The following GRB14 variants were observed in gnomAD, a reference collection of about 807,000 sequenced individuals.
GRB14 encodes growth factor receptor-bound protein 14.
In GRB14, 38 loss-of-function variants were observed where a neutral mutation model predicts 69.1. The observed-to-expected ratio is 0.55, with a 90% CI of 0.42 to 0.72. The LOEUF is 0.72. Among genes scored for constraint, GRB14 ranks in the 30% least tolerant of loss-of-function variants. The pLI, the probability that GRB14 is intolerant of heterozygous loss-of-function variation, is 0.00. For missense variants in GRB14, 666 were observed against 666.1 expected (o/e 1.00, Z 0.00); for synonymous variants, 247 against 241.3 (o/e 1.02, Z -0.22).
At chr2:164,537,860 C>CT (rs1688118822) in intron 3 of GRB14, among the ~76,000 whole-genome samples, 1 of 152,120 alleles carries the variant, frequency 6.6e-6, no homozygotes, top group Non-Finnish European at 1.5e-5. Flanking sequence ...AAGCACAGTG[C>CT]CACATGTCCC....
intron 2 of GRB14, among the ~76,000 whole-genome samples, chr2:164,549,077 C>T (rs758392063): frequency 5.3e-5 from 8 of 151,886 alleles, no homozygotes; most frequent in East Asian, 1.9e-4. Context: ...GACGGGCTTT[C>T]GCCACGTTAG....
intron 3 of GRB14, among the ~76,000 whole-genome samples, chr2:164,539,467 C>T (rs941955390): frequency 2.5e-5 from 2 of 79,670 alleles, no homozygotes; most frequent in Non-Finnish European, 5.3e-5. Flanking sequence ...GACGGCGACT[C>T]CATCTCGGAA....
At chr2:164,606,117 T>A (rs999446385) in intron 2 of GRB14, among the ~76,000 whole-genome samples, 1 of 152,208 alleles carries the variant, frequency 6.6e-6, no homozygotes, top group Non-Finnish European at 1.5e-5. Flanking sequence ...TCAATTAAAG[T>A]TAACGTTCCA....
chr2:164,608,384 C>T (rs1287505261), intron 2 of GRB14, among the ~76,000 whole-genome samples: 3 of 151,088 alleles, frequency 2.0e-5, no homozygotes, highest in Non-Finnish European at 2.9e-5. Context: ...AAAAAGCAAA[C>T]AAAGTTAAAT....
chr2:164,602,793 T>C (rs1689950457), intron 2 of GRB14, among the ~76,000 whole-genome samples: 1 of 152,178 alleles, frequency 6.6e-6, no homozygotes, highest in Non-Finnish European at 1.5e-5. Flanking sequence ...TGTAATGTAA[T>C]TGACCTGGTA....
chr2:164,601,005 C>T (rs558261468), intron 2 of GRB14, among the ~76,000 whole-genome samples: 2 of 152,124 alleles, frequency 1.3e-5, no homozygotes, highest in East Asian at 3.9e-4. Context: ...TGAGAAAATA[C>T]ATTCCTCTCC....
intron 8 of GRB14, among the ~76,000 whole-genome samples, chr2:164,503,002 T>C (rs1687096020): frequency 6.6e-6 from 1 of 151,996 alleles, no homozygotes. Flanking sequence ...GGAGGCAGCA[T>C]CATATGGATT....
At chr2:164,605,976 A>G (rs1197167256) in intron 2 of GRB14, among the ~76,000 whole-genome samples, 4 of 152,228 alleles carry the variant, frequency 2.6e-5, no homozygotes, top group Admixed American at 2.0e-4. Flanking sequence ...AAGTAATTGT[A>G]CAGCCTTTGC....
chr2:164,515,557 G>A (rs1414686228), intron 6 of GRB14, among the ~76,000 whole-genome samples: 1 of 152,144 alleles, frequency 6.6e-6, no homozygotes, highest in Non-Finnish European at 1.5e-5. Context: ...AAAAGAATCT[G>A]AACGGCAGCC....
chr2:164,502,327 C>T lies in GRB14; in HGVS notation c.1032G>A (p.Met344Ile), dbSNP rs755185374. ...VTAIRLLKYG[M>I]QLYQNYMHPY... ...GATGCATATAATTCTGGTACAGCTG[C>T]ATGCCATACTGCAGAATAAATAAAT... is the stretch of plus-strand genomic sequence containing the variant. The change falls in exon 9 of 14, where the codon ATG becomes ATA. Residue 344 changes from methionine to isoleucine, a missense_variant. Coordinates refer to ENST00000263915, the MANE Select transcript of GRB14 (RefSeq NM_004490.3). 14 of 1,567,572 alleles carry T rather than the reference C, an allele frequency of 8.9e-6. No homozygotes were observed. The highest frequency in any genetic ancestry group is 4.1e-5 in the African/African-American group (3 of 74,004).
intron 2 of GRB14, among the ~76,000 whole-genome samples, chr2:164,572,022 T>C (rs1243564721): frequency 6.6e-6 from 1 of 152,236 alleles, no homozygotes; most frequent in Non-Finnish European, 1.5e-5. Flanking sequence ...TGTAAAGTGC[T>C]GTGCTGTTTA....
intron 2 of GRB14, among the ~76,000 whole-genome samples, chr2:164,596,792 A>G (rs1284333065): frequency 6.6e-6 from 1 of 152,162 alleles, no homozygotes; most frequent in Non-Finnish European, 1.5e-5. Context: ...ATTACCTTGA[A>G]CTTTTTCACC....
intron 6 of GRB14, among the ~76,000 whole-genome samples, chr2:164,514,348 G>C (rs1687422650): frequency 6.6e-6 from 1 of 152,156 alleles, no homozygotes; most frequent in Non-Finnish European, 1.5e-5. Context: ...TGCTGCTTCA[G>C]GGCCCCCAGA....
At chr2:164,585,441 GAC>G (rs1689516718) in intron 2 of GRB14, among the ~76,000 whole-genome samples, 1 of 151,962 alleles carries the variant, frequency 6.6e-6, no homozygotes, top group African/African-American at 2.4e-5. Flanking sequence ...ATAAACTTCT[GAC>G]AGGAAATAGA....
At chr2:164,501,171 T>G (rs1353524947) in intron 9 of GRB14, among the ~76,000 whole-genome samples, 2 of 152,106 alleles carry the variant, frequency 1.3e-5, no homozygotes, top group African/African-American at 2.4e-5. Context: ...TTTCTTATTT[T>G]AGGGCTTAAA....
At chr2:164,543,596 G>C (rs1426690791) in intron 3 of GRB14, among the ~76,000 whole-genome samples, 1 of 152,130 alleles carries the variant, frequency 6.6e-6, no homozygotes, top group Non-Finnish European at 1.5e-5. Flanking sequence ...CTGGAAAATA[G>C]TTCATCCTTT....
intron 2 of GRB14, among the ~76,000 whole-genome samples, chr2:164,553,197 A>AT (rs199898168): frequency 3.0e-4 from 45 of 152,164 alleles, no homozygotes; most frequent in Non-Finnish European, 3.8e-4. Context: ...GGCTAAACCA[A>AT]TTTTTTTTAA....
At chr2:164,523,955 G>A (rs1438915381) in intron 5 of GRB14, among the ~76,000 whole-genome samples, 1 of 152,018 alleles carries the variant, frequency 6.6e-6, no homozygotes, top group East Asian at 1.9e-4. Flanking sequence ...GAAAGTCCTG[G>A]GGCACAGCTG....
chr2:164,607,512 G>C (rs969433399), intron 2 of GRB14, among the ~76,000 whole-genome samples: 2 of 152,184 alleles, frequency 1.3e-5, no homozygotes, highest in African/African-American at 4.8e-5. Context: ...ATCTGAGCGA[G>C]GGAGAAGAGG....
Sources: allele counts gnomAD v4.1 joint callset (sites outside exome capture counted in the v4.1 genomes callset), GRCh38; gene constraint gnomAD v4.1.1; transcripts MANE v1.5; gene names NCBI Gene and HGNC (gene_info 2026-07-23, HGNC 2026-07-21).